Variants in PJA2 observed in about 807,000 individuals in gnomAD.
The protein encoded by PJA2 is praja ring finger ubiquitin ligase 2.
PJA2 carries 25 observed loss-of-function variants against 69.3 expected under a neutral mutation model. That is an observed-to-expected ratio of 0.36 (90% CI 0.26 to 0.50). The LOEUF is 0.50. PJA2 is among the 20% of genes least tolerant of loss of function. PJA2 has a pLI of 0.96. For synonymous variants in PJA2, 308 were observed against 277.8 expected (o/e 1.11, Z -1.08); for missense variants, 809 against 830.2 (o/e 0.97, Z 0.31).
rs1762623742 is a variant in PJA2, at chr5:109,368,607, T to C, written c.1423A>G (p.Ser475Gly). ...DENEPELQSD[S>G]SGPEEENQEL... ...TGGTTTTCTTCTTCAGGGCCACTGC[T>C]ATCACTTTGTAGCTCAGGTTCATTC... The change falls in exon 5 of 10, where the codon AGC (serine) becomes GGC (glycine). Residue 475 changes from serine to glycine, a missense_variant. Physicochemically the swap from Ser to Gly is moderately conservative, Grantham distance 56. This residue lies in a region of PJA2 where 700 missense variants were observed against 639.5 expected (regional missense o/e 1.09). Coordinates refer to ENST00000361189, the MANE Select transcript of PJA2 (RefSeq NM_014819.5). 1.2e-6 allele frequency: 2 copies of C among 1,614,172 alleles called. No individual in the cohort carries two copies. The highest frequency in any genetic ancestry group is 1.7e-6 in the Non-Finnish European group (2 of 1,180,020).
chr5:109,379,343 C>A, intron 3 of PJA2, 89 bp from the exon 4 acceptor site: 2 of 902,666 alleles, frequency 2.2e-6, no homozygotes, highest in Non-Finnish European at 1.6e-6. Context: ...GAAATCATAC[C>A]AATTATTACT....
chr5:109,363,792 A>C (rs1762535923), intron 5 of PJA2, among the ~76,000 whole-genome samples: 1 of 152,154 alleles, frequency 6.6e-6, no homozygotes, highest in South Asian at 2.1e-4. Flanking sequence ...AGACACACAA[A>C]TCAATGGTAC....
At chr5:109,353,533 A>ATCATAGATATCTATATATTAGATATCT in intron 7 of PJA2, among the ~76,000 whole-genome samples, 1 of 114,372 alleles carries the variant, frequency 8.7e-6, no homozygotes, top group African/African-American at 6.0e-5. Context: ...AGATATCTAT[A>ATCATAGATATCTATATATTAGATATCT]ATATCATAGA....
At chr5:109,340,802 C>G (rs1376880361) in intron 9 of PJA2, among the ~76,000 whole-genome samples, 1 of 105,064 alleles carries the variant, frequency 9.5e-6, no homozygotes, top group Non-Finnish European at 2.3e-5. Flanking sequence ...AGGCTCGCGC[C>G]GCCACACCTG....
intron 6 of PJA2, among the ~76,000 whole-genome samples, chr5:109,357,285 A>G (rs149622569): frequency 2.0e-5 from 3 of 152,254 alleles, no homozygotes; most frequent in Admixed American, 2.0e-4. Context: ...AGTCCTAAAC[A>G]TCCACAAACA....
At chr5:109,364,797 A>G (rs563181683) in intron 5 of PJA2, among the ~76,000 whole-genome samples, 4 of 152,194 alleles carry the variant, frequency 2.6e-5, no homozygotes, top group African/African-American at 9.6e-5. Flanking sequence ...TGTAAGAAAA[A>G]CATCAATATA....
At chr5:109,392,908 A>G (rs1285590440) in intron 1 of PJA2, among the ~76,000 whole-genome samples, 1 of 151,572 alleles carries the variant, frequency 6.6e-6, no homozygotes, top group Non-Finnish European at 1.5e-5. Context: ...AAATCCAAAG[A>G]AAGGAGAAAT....
chr5:109,397,353 T>A (rs1471159739), intron 1 of PJA2, among the ~76,000 whole-genome samples: 1 of 152,190 alleles, frequency 6.6e-6, no homozygotes, highest in Non-Finnish European at 1.5e-5. Context: ...TATAAAAAGT[T>A]AATTTTAGAA....
intron 5 of PJA2, among the ~76,000 whole-genome samples, chr5:109,368,265 A>G (rs577717678): frequency 6.6e-6 from 1 of 152,340 alleles, no homozygotes; most frequent in African/African-American, 2.4e-5. Context: ...TTGAGCAATG[A>G]CAGTGCTAAT....
At chr5:109,379,801 T>G (rs1001444051) in intron 3 of PJA2, among the ~76,000 whole-genome samples, 2 of 152,218 alleles carry the variant, frequency 1.3e-5, no homozygotes, top group African/African-American at 4.8e-5. Flanking sequence ...AATTGAATTG[T>G]TGTAATACAT....
Position 109,378,369 on chromosome 5 carries a change from C to G in PJA2, c.1118G>C (p.Cys373Ser). ...TGAGTATGGTGGATCCAAGAACATA[C>G]AGTCATGCTCTCCATCATATTCTTC... is the stretch of plus-strand genomic sequence containing the variant. Reference protein sequence around the residue: ...KCEEYDGEHDCMFLDPPYSRV... With the variant: ...KCEEYDGEHDSMFLDPPYSRV... The change falls in exon 4 of 10, where the codon TGT becomes TCT. Residue 373 changes from cysteine to serine, a missense_variant. By Grantham distance (112) the Cys-to-Ser change is moderately radical. Transcript: ENST00000361189. The G allele has an allele frequency of 6.2e-7, 1 of 1,614,152 alleles. No homozygotes were observed. Among genetic ancestry groups the G allele is most frequent in the Non-Finnish European group, 8.5e-7 (1 of 1,179,998 alleles).
At chr5:109,360,685 G>A (rs1389619112) in intron 6 of PJA2, among the ~76,000 whole-genome samples, 3 of 152,044 alleles carry the variant, frequency 2.0e-5, no homozygotes, top group African/African-American at 7.3e-5. Flanking sequence ...ATGCTAAAAT[G>A]TTTTCTATAA....
chr5:109,385,184 G>A (rs540420992), intron 1 of PJA2, among the ~76,000 whole-genome samples: 5 of 152,302 alleles, frequency 3.3e-5, no homozygotes, highest in South Asian at 4.1e-4. Flanking sequence ...TTTGACTTCT[G>A]TTTTAAGAAG....
chr5:109,385,603 C>A (rs1747139844), intron 1 of PJA2, among the ~76,000 whole-genome samples: 1 of 152,114 alleles, frequency 6.6e-6, no homozygotes, highest in African/African-American at 2.4e-5. Flanking sequence ...GAATTATGAG[C>A]TGTTAGTATA....
chr5:109,396,472 G>A (rs371742487), intron 1 of PJA2, among the ~76,000 whole-genome samples: 4 of 142,200 alleles, frequency 2.8e-5, no homozygotes, highest in African/African-American at 1.1e-4. Flanking sequence ...TGTGGCCCAG[G>A]CTAGAGTGCA....
rs1762344599 is a variant in PJA2, at chr5:109,354,078, GATTAGATATCTATATCTAGAGATA to G, written c.1764+1813_1764+1836del. Among the ~76,000 whole-genome samples the G allele has an allele frequency of 4.9e-5, 6 of 123,132 alleles. 1 individual carries two copies. The highest frequency in any genetic ancestry group is 2.6e-4 in the South Asian group (1 of 3,906). The allele number at this position is 123,132 out of a possible 152,430, so 80.8% of individuals were successfully genotyped here. A position where few individuals can be genotyped will look rare whatever the true frequency, so the allele number is the denominator to read the frequency against. On this transcript the variant is annotated intron_variant, in intron 7 of 9. Transcript: ENST00000361189. The stretch of plus-strand genomic sequence containing the variant: ...TCTATGATATCTAGAGATATCTATA[GATTAGATATCTATATCTAGAGATA>G]TCTATAGATTAGATATCTATGGTAT...
intron 1 of PJA2, among the ~76,000 whole-genome samples, chr5:109,386,628 T>G (rs1311552669): frequency 1.3e-5 from 2 of 152,194 alleles, no homozygotes; most frequent in African/African-American, 4.8e-5. Context: ...TACCCTACTT[T>G]GAATTCCATG....
At chr5:109,394,050 T>C (rs1747348083) in intron 1 of PJA2, among the ~76,000 whole-genome samples, 1 of 142,990 alleles carries the variant, frequency 7.0e-6, no homozygotes, top group African/African-American at 2.5e-5. Context: ...TTTTTTTTTT[T>C]TTTTTTTTTT....
chr5:109,372,179 A>C (rs964394697), intron 4 of PJA2, among the ~76,000 whole-genome samples: 2 of 152,200 alleles, frequency 1.3e-5, no homozygotes, highest in Non-Finnish European at 2.9e-5. Context: ...TGTACCACTT[A>C]ATATATTTTA....
Sources: allele counts gnomAD v4.1 joint callset (sites outside exome capture counted in the v4.1 genomes callset), GRCh38; gene constraint gnomAD v4.1.1; regional missense constraint gnomAD v4.1.1; transcripts MANE v1.5; gene names NCBI Gene and HGNC (gene_info 2026-07-23, HGNC 2026-07-21).